The following ZSWIM9 variants were observed in gnomAD, a reference collection of about 807,000 sequenced individuals.
ZSWIM9 encodes zinc finger SWIM-type containing 9, also known as uncharacterized protein ZSWIM9.
In ZSWIM9, 11 loss-of-function variants were observed where a neutral mutation model predicts 25.0. The observed-to-expected ratio is 0.44, with a 90% CI of 0.28 to 0.73. ZSWIM9 has a LOEUF of 0.73. ZSWIM9 is among the 30% of genes least tolerant of loss of function. The pLI, the probability that ZSWIM9 is intolerant of heterozygous loss-of-function variation, is 0.16. For synonymous variants in ZSWIM9, 562 were observed against 582.1 expected (o/e 0.97, Z 0.50); for missense variants, 1,070 against 1,296.5 (o/e 0.83, Z 2.68).
intron 3 of ZSWIM9, chr19:48,187,586 T>A (rs1365940942): frequency 4.4e-5 from 3 of 68,656 alleles, no homozygotes; most frequent in South Asian, 7.9e-4. Flanking sequence ...TATTATATAT[T>A]ATATAATATA....
At chr19:48,193,201 A>G (rs1434085400) in intron 3 of ZSWIM9, 5 of 154,688 alleles carry the variant, frequency 3.2e-5, no homozygotes, top group Admixed American at 6.5e-5. Flanking sequence ...AGACATCTCC[A>G]TTTTTCCAGA....
At chr19:48,171,248 G>A in intron 1 of ZSWIM9, 2 of 985,396 alleles carry the variant, frequency 2.0e-6, no homozygotes, top group African/African-American at 1.7e-5. Flanking sequence ...AGCCACAGGT[G>A]CATGAAGCAT....
chr19:48,186,438 C>T (rs1189081188), intron 3 of ZSWIM9: 1 of 152,456 alleles, frequency 6.6e-6, no homozygotes, highest in Non-Finnish European at 1.5e-5. Flanking sequence ...GTAACTGGGA[C>T]TATAGGCATG....
chr19:48,173,006 G>A (rs1486205426), intron 2 of ZSWIM9, among the ~76,000 whole-genome samples: 1 of 152,148 alleles, frequency 6.6e-6, no homozygotes, highest in East Asian at 1.9e-4. Context: ...CTGGGAGACT[G>A]AACTGCAGAG....
intron 1 of ZSWIM9, chr19:48,171,248 G>T (rs1255792017): frequency 3.0e-6 from 3 of 985,396 alleles, no homozygotes; most frequent in Non-Finnish European, 2.4e-6. Flanking sequence ...AGCCACAGGT[G>T]CATGAAGCAT....
intron 3 of ZSWIM9, among the ~76,000 whole-genome samples, chr19:48,192,625 G>T (rs1417901347): frequency 6.7e-6 from 1 of 150,006 alleles, no homozygotes; most frequent in Non-Finnish European, 1.5e-5. Context: ...TAATGGCCCG[G>T]ATCTATTGGA....
chr19:48,177,763 G>A (rs2036907974), intron 2 of ZSWIM9, among the ~76,000 whole-genome samples: 1 of 152,224 alleles, frequency 6.6e-6, no homozygotes, highest in African/African-American at 2.4e-5. Context: ...GTGGCATACC[G>A]TGAACTTGCA....
In ZSWIM9 at chr19:48,195,958, C is replaced by A. The variant is rs2037159011; in HGVS notation, c.1894C>A (p.Leu632Met). ...LEGSPWRGAQ[L>M]HDERAGGLRT... ...AGGAAGCCCCTGGAGGGGGGCGCAGCTGCACGATGAAAGGGCAGGGGGACT... is the reference window on the plus strand; with the variant it reads ...AGGAAGCCCCTGGAGGGGGGCGCAGATGCACGATGAAAGGGCAGGGGGACT... Residue 632 changes from leucine (L) to methionine (M), a missense_variant, in exon 4 of 4, where the codon CTG (leucine) becomes ATG (methionine). Transcript: ENST00000614654. The surrounding 1 kb of genome is among the most constrained non-coding windows in gnomAD (Gnocchi z 5.8). 5 of 1,316,668 alleles carry A rather than the reference C, an allele frequency of 3.8e-6. No individual in the cohort carries two copies. In the East Asian group the frequency reaches 1.5e-4, roughly 41 times the overall value. The allele number at this position is 1,316,668 out of a possible 1,614,324, so 81.6% of individuals were successfully genotyped here.
Position 48,182,432 on chromosome 19 carries a change from G to A in ZSWIM9, c.276-23G>A. On this transcript the variant is annotated intron_variant, in intron 2 of 3. Coordinates refer to ENST00000614654, the MANE Select transcript of ZSWIM9 (RefSeq NM_199341.4). This position sits in a 1 kb window ranked among gnomAD's most constrained non-coding sequence, Gnocchi z 4.6. Reference sequence around the variant, plus strand: ...GAGGGCAGCAGAGTGATGTGACCAGGGCGGTGGTGGTTCCTCCCACAGGCC... The same window carrying A: ...GAGGGCAGCAGAGTGATGTGACCAGAGCGGTGGTGGTTCCTCCCACAGGCC... The A allele has an allele frequency of 6.6e-7, 1 of 1,520,410 alleles. No homozygotes were observed. The highest frequency in any genetic ancestry group is 2.0e-5 in the Admixed American group (1 of 50,548). 94.2% of individuals were successfully genotyped at this position (1,520,410 alleles called of 1,614,324 possible).
In ZSWIM9 at chr19:48,182,298, A is replaced by G; in HGVS notation, c.276-157A>G. The G allele has an allele frequency of 1.6e-6, 1 of 644,598 alleles. No individual in the cohort carries two copies. Among genetic ancestry groups the G allele is most frequent in the Non-Finnish European group, 2.6e-6 (1 of 379,516 alleles). The allele number at this position is 644,598 out of a possible 1,614,324, so 39.9% of individuals were successfully genotyped here. A position where few individuals can be genotyped will look rare whatever the true frequency, so the allele number is the denominator to read the frequency against. On this transcript the variant is annotated intron_variant, in intron 2 of 3. Coordinates refer to ENST00000614654, the MANE Select transcript of ZSWIM9 (RefSeq NM_199341.4). The surrounding 1 kb of genome is among the most constrained non-coding windows in gnomAD (Gnocchi z 4.6). ...AACTGAGGCATAGAGACTTGAAGTG[A>G]CTTGCCCCAGGTCACACAGCTGGCA...
chr19:48,171,877 C>G lies in ZSWIM9; in HGVS notation c.75C>G (p.Phe25Leu), dbSNP rs1309488311. ...EEQELRERAFFSWAEFSRFFD... is the reference protein window; with the variant it reads ...EEQELRERAFLSWAEFSRFFD... ...AGGAGCTGCGGGAGCGGGCCTTCTTCTCGTGGGCCGAGTTCAGCCGCTTCT... is the reference window on the plus strand; with the variant it reads ...AGGAGCTGCGGGAGCGGGCCTTCTTGTCGTGGGCCGAGTTCAGCCGCTTCT... Residue 25 changes from phenylalanine to leucine, a missense_variant, in exon 2 of 4, where the codon TTC becomes TTG. Phe to Leu is a conservative substitution (Grantham distance 22). This residue lies in a region of ZSWIM9 where 265 missense variants were observed against 339.0 expected (regional missense o/e 0.78). Coordinates refer to ENST00000614654, the MANE Select transcript of ZSWIM9 (RefSeq NM_199341.4). The G allele has an allele frequency of 2.0e-6, 3 of 1,535,564 alleles. No homozygotes were observed. The African/African-American group carries it at 4.1e-5, about 21-fold the overall frequency.
chr19:48,171,033 A>C (rs1488772535), intron 1 of ZSWIM9, among the ~76,000 whole-genome samples: 1 of 152,106 alleles, frequency 6.6e-6, no homozygotes, highest in Non-Finnish European at 1.5e-5. Context: ...CCACAGGTGA[A>C]TACTGGTGAC....
chr19:48,191,602 T>G (rs943129699), intron 3 of ZSWIM9, among the ~76,000 whole-genome samples: 1 of 152,210 alleles, frequency 6.6e-6, no homozygotes, highest in African/African-American at 2.4e-5. Flanking sequence ...GAAGGTTTAC[T>G]CACGTGTCGG....
rs1237566647 is a variant in ZSWIM9, at chr19:48,187,395, T to A, written c.588+4628T>A. ...ACAGTATAATGTAATAATTAATATA[T>A]TATATTAATTATATATTATAATTAT... On this transcript the variant is annotated intron_variant, in intron 3 of 3. Coordinates refer to ENST00000614654, the MANE Select transcript of ZSWIM9 (RefSeq NM_199341.4). Among the ~76,000 whole-genome samples the A allele has an allele frequency of 1.2e-3, 128 of 104,662 alleles. 3 individuals are homozygous for A. Among genetic ancestry groups the A allele is most frequent in the East Asian group, 1.8e-3 (7 of 3,860 alleles). The allele number at this position is 104,662 out of a possible 152,430, so 68.7% of individuals were successfully genotyped here. A position where few individuals can be genotyped will look rare whatever the true frequency, so the allele number is the denominator to read the frequency against.
At position 48,197,347 on chromosome 19, in the gene ZSWIM9, G is replaced by C. The variant is rs2037181131; in HGVS notation, c.*520G>C. On this transcript the variant is annotated 3_prime_UTR_variant, in exon 4 of 4. Coordinates refer to ENST00000614654, the MANE Select transcript of ZSWIM9 (RefSeq NM_199341.4). ...CAAAGAGACAGAAATGAAGACATGA[G>C]GAAAAGCTGGGGGAAGCAGGAGAGG... The C allele has an allele frequency of 1.4e-6, 1 of 698,194 alleles. No individual in the cohort carries two copies. Among genetic ancestry groups the C allele is most frequent in the Non-Finnish European group, 2.6e-6 (1 of 382,686 alleles). The allele number at this position is 698,194 out of a possible 1,614,324, so 43.2% of individuals were successfully genotyped here.
chr19:48,185,651 G>T (rs1295902533), intron 3 of ZSWIM9, among the ~76,000 whole-genome samples: 1 of 152,134 alleles, frequency 6.6e-6, no homozygotes, highest in Non-Finnish European at 1.5e-5. Flanking sequence ...TCTATCCTAT[G>T]GACCAGCACT....
intron 2 of ZSWIM9, among the ~76,000 whole-genome samples, chr19:48,179,590 A>T (rs1489322065): frequency 6.6e-6 from 1 of 152,222 alleles, no homozygotes; most frequent in African/African-American, 2.4e-5. Context: ...ACACATAAAG[A>T]GATGTATAAG....
intron 2 of ZSWIM9, among the ~76,000 whole-genome samples, chr19:48,179,328 C>T (rs2036924232): frequency 6.6e-6 from 1 of 151,788 alleles, no homozygotes; most frequent in African/African-American, 2.4e-5. Context: ...TGCCTGACTA[C>T]TTTTTTATGT....
At chr19:48,190,027 A>G (rs1465154719) in intron 3 of ZSWIM9, among the ~76,000 whole-genome samples, 1 of 151,908 alleles carries the variant, frequency 6.6e-6, no homozygotes, top group East Asian at 1.9e-4. Context: ...ACATGGTGAA[A>G]CCCCGTCTCT....
Sources: allele counts gnomAD v4.1 joint callset (sites outside exome capture counted in the v4.1 genomes callset), GRCh38; gene constraint gnomAD v4.1.1; regional missense constraint gnomAD v4.1.1; non-coding constraint Gnocchi (gnomAD v3.1); transcripts MANE v1.5; gene names NCBI Gene and HGNC (gene_info 2026-07-23, HGNC 2026-07-21).